The following C12orf50 variants were observed in gnomAD, a reference collection of about 807,000 sequenced individuals.
The protein encoded by C12orf50 is uncharacterized protein C12orf50.
Under a neutral mutation model 61.6 loss-of-function variants are expected in C12orf50, and 35 were observed. The observed-to-expected ratio is 0.57, with a 90% CI of 0.43 to 0.75. The LOEUF is 0.75. Ranked by LOEUF, C12orf50 falls within the 30% of genes least tolerant of loss-of-function variation. C12orf50 has a pLI of 0.00. For synonymous variants in C12orf50, 178 were observed against 161.5 expected (o/e 1.10, Z -0.77); for missense variants, 475 against 488.5 (o/e 0.97, Z 0.26).
chr12:87,986,214 G>A (rs148785014), intron 10 of C12orf50, 98 bp downstream of exon 10: 124 of 1,218,596 alleles, frequency 1.0e-4, no homozygotes, highest in African/African-American at 6.6e-4. Context: ...TAACATTTAC[G>A]TCACATGACA....
At chr12:88,029,076 T>A (rs1310433854) in intron 1 of C12orf50, 9 of 1,285,948 alleles carry the variant, frequency 7.0e-6, no homozygotes, top group Non-Finnish European at 9.1e-6. Flanking sequence ...CCTTTATGCA[T>A]GTGGAATTAA....
At chr12:87,989,058 A>G (rs536799114) in intron 8 of C12orf50, among the ~76,000 whole-genome samples, 50 of 152,238 alleles carry the variant, frequency 3.3e-4, no homozygotes, top group African/African-American at 1.1e-3. Flanking sequence ...TATACAGTCC[A>G]ACAGGCTATT....
chr12:88,014,363 G>A (rs138461358), intron 3 of C12orf50, among the ~76,000 whole-genome samples: 12,069 of 151,994 alleles, frequency 0.079, 513 homozygotes, highest in Non-Finnish European at 0.087. Flanking sequence ...GTGCAGTGGC[G>A]CGATTTCGGC....
intron 3 of C12orf50, among the ~76,000 whole-genome samples, chr12:88,017,545 A>G (rs539981625): frequency 3.9e-5 from 6 of 152,240 alleles, no homozygotes; most frequent in African/African-American, 1.4e-4. Flanking sequence ...GCACTGCTGG[A>G]AAGATACCCA....
chr12:87,983,627 G>A (rs1352343056), intron 11 of C12orf50: 24 of 151,592 alleles, frequency 1.6e-4, no homozygotes, highest in Admixed American at 1.6e-3. Flanking sequence ...ATCTATGAGT[G>A]AGAACATGCG....
chr12:88,006,259 G>A (rs910864306), intron 3 of C12orf50, among the ~76,000 whole-genome samples: 2 of 152,078 alleles, frequency 1.3e-5, no homozygotes, highest in African/African-American at 4.8e-5. Context: ...GTTGTCTTTG[G>A]TAAACTTCTA....
intron 4 of C12orf50, among the ~76,000 whole-genome samples, chr12:87,996,956 C>T (rs2031423824): frequency 6.6e-6 from 1 of 152,092 alleles, no homozygotes. Flanking sequence ...CATGGAGCTG[C>T]AGCACACAGA....
intron 1 of C12orf50, 180 bp downstream of exon 1, chr12:88,029,160 T>G (rs2032813586): frequency 8.3e-7 from 1 of 1,198,522 alleles, no homozygotes; most frequent in African/African-American, 1.6e-5. Flanking sequence ...TTTTTTTTTT[T>G]TGAAAAATAT....
At position 87,983,109 on chromosome 12, in the gene C12orf50, A is replaced by G. The variant is rs1456266584; in HGVS notation, c.1213T>C (p.Tyr405His). ...SKTYSKSEKI[Y>H]PEPRRNGSK ...ACCACTTATAAATAGTTACCTGGAT[A>G]TATCTTTTCACTTTTTGAATATGTT... The change falls in exon 12 of 13, where the codon TAT becomes CAT. Residue 405 changes from tyrosine (Y) to histidine (H), a missense_variant. Coordinates refer to ENST00000298699, the MANE Select transcript of C12orf50 (RefSeq NM_152589.3). The G allele has an allele frequency of 2.6e-6, 4 of 1,567,670 alleles. No homozygotes were observed. The highest frequency in any genetic ancestry group is 3.5e-6 in the Non-Finnish European group (4 of 1,141,394).
chr12:88,008,606 G>A (rs1007325631), intron 3 of C12orf50, among the ~76,000 whole-genome samples: 4 of 151,930 alleles, frequency 2.6e-5, no homozygotes, highest in African/African-American at 9.7e-5. Flanking sequence ...ATAAAGAATT[G>A]TTTGCTTAAG....
chr12:87,982,697 C>G (rs1211636779), intron 12 of C12orf50, among the ~76,000 whole-genome samples: 1 of 152,042 alleles, frequency 6.6e-6, no homozygotes, highest in Non-Finnish European at 1.5e-5. Context: ...TCTTGGATGT[C>G]CTGTCAGCCT....
rs747463421 is a variant in C12orf50, at chr12:87,986,323, C to T, written c.911G>A (p.Gly304Glu). Residue 304 changes from glycine to glutamate, a missense_variant, in exon 10 of 13, where the codon GGA (glycine) becomes GAA (glutamate). Physicochemically the swap from Gly to Glu is moderately conservative, Grantham distance 98. Coordinates refer to ENST00000298699, the MANE Select transcript of C12orf50 (RefSeq NM_152589.3). ...YDEPQNFPNS[G>E]MQRAVQAPRP... ...TATAGACACCTTACCTCTCTGCATT[C>T]CAGAGTTAGGAAAGTTCTGTGGTTC... is the stretch of plus-strand genomic sequence containing the variant. The T allele has an allele frequency of 1.3e-5, 20 of 1,598,080 alleles. No homozygotes were observed. The South Asian group carries it at 2.3e-4, about 18-fold the overall frequency.
At chr12:88,013,611 T>C (rs1334765255) in intron 3 of C12orf50, among the ~76,000 whole-genome samples, 1 of 152,180 alleles carries the variant, frequency 6.6e-6, no homozygotes, top group Non-Finnish European at 1.5e-5. Context: ...TAAAGAAATG[T>C]ATATTTATAC....
At chr12:88,020,238 G>GAGTTGCAAGCTCGATAA (rs1289638702) in intron 3 of C12orf50, among the ~76,000 whole-genome samples, 5 of 152,278 alleles carry the variant, frequency 3.3e-5, no homozygotes, top group Non-Finnish European at 4.4e-5. Context: ...AAAAGGCACA[G>GAGTTGCAAGCTCGATAA]AGTTGCAAGC....
intron 9 of C12orf50, among the ~76,000 whole-genome samples, chr12:87,987,064 C>A (rs2030862553): frequency 6.6e-6 from 1 of 152,198 alleles, no homozygotes; most frequent in African/African-American, 2.4e-5. Flanking sequence ...CATTCTGTTA[C>A]TTCACTGTGC....
At chr12:87,999,394 T>C (rs527439195) in intron 3 of C12orf50, among the ~76,000 whole-genome samples, 48 of 152,178 alleles carry the variant, frequency 3.2e-4, no homozygotes, top group African/African-American at 1.1e-3. Context: ...CACTGCACTC[T>C]AGCCTCAGCA....
chr12:87,994,682 TG>T lies in C12orf50; in HGVS notation c.542del (p.Thr181AsnfsTer38). On this transcript the variant is annotated frameshift_variant, in exon 7 of 13. Transcript: ENST00000298699. LOFTEE classifies it high-confidence loss of function. ...SQYERQGEIK[T>X]SLHGKPKTDI... ...CAGTCTTTGGTTTCCCATGCAATGA[TG>T]TTTTTATTTCACCTTGCCTTTCATA... The T allele has an allele frequency of 6.2e-7, 1 of 1,613,576 alleles. No individual in the cohort carries two copies. The highest frequency in any genetic ancestry group is 8.5e-7 in the Non-Finnish European group (1 of 1,179,682).
At chr12:87,995,724 C>A (rs1737420287) in intron 6 of C12orf50, among the ~76,000 whole-genome samples, 2 of 152,104 alleles carry the variant, frequency 1.3e-5, no homozygotes, top group African/African-American at 4.8e-5. Flanking sequence ...GGCCTGCAAT[C>A]TGTCCTTCCC....
At chr12:88,027,359 T>C (rs761478110) in intron 1 of C12orf50, among the ~76,000 whole-genome samples, 10 of 152,178 alleles carry the variant, frequency 6.6e-5, no homozygotes, top group Non-Finnish European at 1.5e-4. Context: ...AATAGAGATA[T>C]AAGAATCCAG....
Sources: gnomAD v4.1 joint callset for allele counts (sites outside exome capture counted in the v4.1 genomes callset) on GRCh38, gnomAD v4.1.1 for gene constraint, MANE v1.5 for transcripts, NCBI Gene and HGNC (gene_info 2026-07-23, HGNC 2026-07-21) for gene names.